SDK1: variants seen among roughly 807,000 people sequenced by gnomAD.
SDK1 encodes the protein protein sidekick-1.
SDK1 carries 157 observed loss-of-function variants against 245.5 expected under a neutral mutation model. That is an observed-to-expected ratio of 0.64 (90% CI 0.56 to 0.73). SDK1 has a LOEUF of 0.73. Among genes scored for constraint, SDK1 ranks in the 30% least tolerant of loss-of-function variants. The pLI, the probability that SDK1 is intolerant of heterozygous loss-of-function variation, is 0.00. For missense variants in SDK1, 3,583 were observed against 3,002.3 expected (o/e 1.19, Z -4.52); for synonymous variants, 1,647 against 1,278.5 (o/e 1.29, Z -6.15).
intron 4 of SDK1, among the ~76,000 whole-genome samples, chr7:3,778,221 A>G (rs186104293): frequency 1.3e-3 from 196 of 152,062 alleles, no homozygotes; most frequent in Non-Finnish European, 1.9e-3. Context: ...AAGAAGTTTC[A>G]TTTGAAGCTG....
chr7:3,449,845 C>G (rs561556570), intron 1 of SDK1, among the ~76,000 whole-genome samples: 1 of 152,168 alleles, frequency 6.6e-6, no homozygotes, highest in African/African-American at 2.4e-5. Flanking sequence ...GTAGTCTTTG[C>G]CCTCCTATAG....
At position 3,718,805 on chromosome 7, in the gene SDK1, G is replaced by T. The variant is rs141193539; in HGVS notation, c.713+76700G>T. Among the ~76,000 whole-genome samples the T allele has an allele frequency of 3.7e-4, 56 of 152,022 alleles. 1 individual carries two copies. In the East Asian group the frequency reaches 0.011, roughly 29 times the overall value. On this transcript the variant is annotated intron_variant, in intron 4 of 44. Coordinates refer to ENST00000404826, the MANE Select transcript of SDK1 (RefSeq NM_152744.4). Reference sequence around the variant, plus strand: ...GTACAATAAGGTAGGAAAAAAAAAGGCATCCAAGTTTGAAAGGAGGAATAA... The same window carrying T: ...GTACAATAAGGTAGGAAAAAAAAAGTCATCCAAGTTTGAAAGGAGGAATAA...
intron 1 of SDK1, among the ~76,000 whole-genome samples, chr7:3,344,979 T>C (rs897430985): frequency 2.0e-5 from 3 of 152,226 alleles, no homozygotes; most frequent in East Asian, 1.9e-4. Context: ...GGACAACTTA[T>C]GTAAAAATCT....
rs144348032 is a variant in SDK1, at chr7:3,531,992, G to C, written c.299-87088G>C. ...ATAAGATGGAATTTTCCAGGTAACT[G>C]ATCATAAATTAGTTTTCCAGGTAAC... On this transcript the variant is annotated intron_variant, in intron 1 of 44. Coordinates refer to ENST00000404826, the MANE Select transcript of SDK1 (RefSeq NM_152744.4). Among the ~76,000 whole-genome samples the C allele has an allele frequency of 2.6e-3, 394 of 152,286 alleles. 2 individuals carry two copies. Among genetic ancestry groups the C allele is most frequent in the African/African-American group, 9.0e-3 (374 of 41,564 alleles).
At chr7:4,085,097 T>A (rs1255222799) in intron 22 of SDK1, among the ~76,000 whole-genome samples, 1 of 152,184 alleles carries the variant, frequency 6.6e-6, no homozygotes, top group Non-Finnish European at 1.5e-5. Context: ...TTTCCCTTAC[T>A]CTAAGACTGT....
intron 1 of SDK1, among the ~76,000 whole-genome samples, chr7:3,375,739 G>A (rs532509432): frequency 6.6e-6 from 1 of 152,294 alleles, no homozygotes; most frequent in East Asian, 1.9e-4. Context: ...CATCTGGGAA[G>A]TGGATCCTCC....
chr7:4,128,605 G>T (rs1584228387), intron 26 of SDK1, among the ~76,000 whole-genome samples: 1 of 140,536 alleles, frequency 7.1e-6, no homozygotes, highest in Non-Finnish European at 1.6e-5. Context: ...TTGGGGTGGG[G>T]TCCCCTGGAG....
intron 1 of SDK1, among the ~76,000 whole-genome samples, chr7:3,573,030 A>G (rs1016910011): frequency 6.6e-6 from 1 of 152,038 alleles, no homozygotes; most frequent in Non-Finnish European, 1.5e-5. Flanking sequence ...AGGCCCCAGG[A>G]ACTCCTTTAT....
chr7:3,446,086 G>A (rs1452601308), intron 1 of SDK1, among the ~76,000 whole-genome samples: 1 of 151,754 alleles, frequency 6.6e-6, no homozygotes, highest in Non-Finnish European at 1.5e-5. Flanking sequence ...CTCCCTTCTG[G>A]TCCTCTTTAG....
intron 35 of SDK1, among the ~76,000 whole-genome samples, chr7:4,183,795 G>T (rs1244704078): frequency 6.6e-6 from 1 of 152,148 alleles, no homozygotes; most frequent in Non-Finnish European, 1.5e-5. Flanking sequence ...ACCATTATCA[G>T]CCTTGCTCTA....
intron 4 of SDK1, among the ~76,000 whole-genome samples, chr7:3,777,592 C>T (rs1369890578): frequency 6.6e-6 from 1 of 152,140 alleles, no homozygotes; most frequent in Non-Finnish European, 1.5e-5. Context: ...GGACCTGAGC[C>T]CCCTCTGCCA....
In SDK1 at chr7:3,740,723, C is replaced by T. The variant is rs143707175; in HGVS notation, c.714-80727C>T. 7.9e-3 allele frequency among the ~76,000 whole-genome samples: 1,208 copies of T among 152,216 alleles called. 58 individuals are homozygous for T. The highest frequency in any genetic ancestry group is 0.063 in the Admixed American group (964 of 15,288). ...TAAAACACTTTATAGTTTGCTTATT[C>T]TTAACAAGATTCGTCTGTTTTTCTT... On this transcript the variant is annotated intron_variant, in intron 4 of 44. Coordinates refer to ENST00000404826, the MANE Select transcript of SDK1 (RefSeq NM_152744.4).
chr7:3,319,711 C>T (rs1382310141), intron 1 of SDK1, among the ~76,000 whole-genome samples: 1 of 152,032 alleles, frequency 6.6e-6, no homozygotes, highest in East Asian at 1.9e-4. Flanking sequence ...TTATTGCCAA[C>T]TCAAGTACCT....
At chr7:3,906,908 G>C (rs1024527357) in intron 5 of SDK1, among the ~76,000 whole-genome samples, 1 of 152,076 alleles carries the variant, frequency 6.6e-6, no homozygotes. Flanking sequence ...GGGATGGCAG[G>C]CATGAGCCAC....
intron 29 of SDK1, among the ~76,000 whole-genome samples, chr7:4,147,280 A>G (rs1301825130): frequency 1.3e-5 from 2 of 152,142 alleles, no homozygotes; most frequent in Non-Finnish European, 1.5e-5. Flanking sequence ...GCCTGGGCTC[A>G]AGCAATGCTC....
chr7:3,695,798 G>C (rs566465908), intron 4 of SDK1, among the ~76,000 whole-genome samples: 1 of 152,310 alleles, frequency 6.6e-6, no homozygotes, highest in South Asian at 2.1e-4. Flanking sequence ...GACGTAGCCT[G>C]TATGTGCAGT....
intron 19 of SDK1, among the ~76,000 whole-genome samples, chr7:4,053,233 C>G (rs947760017): frequency 6.6e-6 from 1 of 152,070 alleles, no homozygotes; most frequent in Non-Finnish European, 1.5e-5. Flanking sequence ...CCCCGTGCTG[C>G]TCCCGTTTTT....
chr7:3,356,790 GC>G (rs1197320425), intron 1 of SDK1, among the ~76,000 whole-genome samples: 1 of 152,056 alleles, frequency 6.6e-6, no homozygotes, highest in Non-Finnish European at 1.5e-5. Context: ...AGGCACGGTG[GC>G]TCATGCCTGT....
At chr7:3,380,854 C>T (rs965478147) in intron 1 of SDK1, among the ~76,000 whole-genome samples, 3 of 152,066 alleles carry the variant, frequency 2.0e-5, no homozygotes, top group Non-Finnish European at 4.4e-5. Context: ...TCAAAGAAAC[C>T]ACCCCCATTA....
Sources: allele counts gnomAD v4.1 joint callset (sites outside exome capture counted in the v4.1 genomes callset), GRCh38; gene constraint gnomAD v4.1.1; transcripts MANE v1.5; gene names NCBI Gene and HGNC (gene_info 2026-07-23, HGNC 2026-07-21).